SYK: variants seen among roughly 807,000 people sequenced by gnomAD.
SYK encodes the protein spleen associated tyrosine kinase, also known as tyrosine-protein kinase SYK.
SYK carries 16 observed loss-of-function variants against 77.8 expected under a neutral mutation model. The ratio of observed to expected loss-of-function variants is 0.21; its 90% confidence interval spans 0.14 to 0.31. The LOEUF (loss-of-function observed/expected upper bound fraction) is 0.31, where lower values mean the gene tolerates loss of function less well. Ranked by LOEUF, SYK falls within the 10% of genes least tolerant of loss-of-function variation. The pLI, the probability that SYK is intolerant of heterozygous loss-of-function variation, is 1.00. For missense variants in SYK, 529 were observed against 814.4 expected (o/e 0.65, Z 4.26); for synonymous variants, 312 against 308.7 (o/e 1.01, Z -0.11).
chr9:90,827,756 G>A (rs933612522), intron 1 of SYK, among the ~76,000 whole-genome samples: 3 of 152,168 alleles, frequency 2.0e-5, no homozygotes, highest in Non-Finnish European at 4.4e-5. Context: ...AAGGTTTAGC[G>A]GTTTGCCATC....
intron 13 of SYK, 131 bp downstream of exon 13, chr9:90,888,758 C>A: frequency 1.5e-6 from 1 of 687,912 alleles, no homozygotes. Flanking sequence ...AAACAAACAA[C>A]GGTGGGGGCT....
chr9:90,871,691 A>G (rs1325661763), intron 7 of SYK, among the ~76,000 whole-genome samples: 2 of 152,196 alleles, frequency 1.3e-5, no homozygotes, highest in African/African-American at 4.8e-5. Flanking sequence ...TTTCTTCCAC[A>G]TTCTTCCAGT....
At chr9:90,824,371 T>A (rs1281618536) in intron 1 of SYK, among the ~76,000 whole-genome samples, 1 of 152,182 alleles carries the variant, frequency 6.6e-6, no homozygotes, top group Non-Finnish European at 1.5e-5. Context: ...GGAAACAGTT[T>A]CTAATTCATT....
chr9:90,822,895 G>A (rs1163689967), intron 1 of SYK, among the ~76,000 whole-genome samples: 1 of 152,176 alleles, frequency 6.6e-6, no homozygotes. Context: ...GAAATAGAAA[G>A]GCATGATTAA....
At chr9:90,833,891 T>C (rs1410069996) in intron 1 of SYK, among the ~76,000 whole-genome samples, 1 of 152,182 alleles carries the variant, frequency 6.6e-6, no homozygotes, top group Non-Finnish European at 1.5e-5. Context: ...ATAAAACACA[T>C]GGAAGACATG....
At position 90,814,855 on chromosome 9, in the gene SYK, CACACACACACAA is replaced by C. The variant is rs1251303964; in HGVS notation, c.-42+12964_-42+12975del. Reference sequence around the variant, plus strand: ...ACGTGCACACACACACACACACACACACACACACACAAAATAATGTTACTTCTCAGTCACCCG... The same window carrying C: ...ACGTGCACACACACACACACACACACAATAATGTTACTTCTCAGTCACCCG... On this transcript the variant is annotated intron_variant, in intron 1 of 13. Coordinates refer to ENST00000375754, the MANE Select transcript of SYK (RefSeq NM_003177.7). Among the ~76,000 whole-genome samples the C allele has an allele frequency of 4.4e-4, 34 of 77,680 alleles. 1 individual carries two copies. Among genetic ancestry groups the C allele is most frequent in the Middle Eastern group, 0.011 (2 of 184 alleles). The allele number at this position is 77,680 out of a possible 152,430, so 51.0% of individuals were successfully genotyped here.
At chr9:90,847,106 C>T (rs1469293996) in intron 3 of SYK, among the ~76,000 whole-genome samples, 1 of 152,224 alleles carries the variant, frequency 6.6e-6, no homozygotes, top group Non-Finnish European at 1.5e-5. Context: ...TTTGCTCTCT[C>T]CTTCCTTTCT....
chr9:90,845,404 G>T (rs768618431), intron 2 of SYK, 30 bp from the exon 3 acceptor site: 3 of 1,603,694 alleles, frequency 1.9e-6, no homozygotes, highest in African/African-American at 1.3e-5. Context: ...CCTCGGTATG[G>T]TTTACTCTGC....
At position 90,874,247 on chromosome 9, in the gene SYK, T is replaced by C. The variant is rs1221954322; in HGVS notation, c.959T>C (p.Phe320Ser). The C allele has an allele frequency of 6.2e-7, 1 of 1,614,172 alleles. No individual in the cohort carries two copies. The highest frequency in any genetic ancestry group is 1.1e-5 in the South Asian group (1 of 91,084). ...QGNRQESTVS[F>S]NPYEPELAPW... The stretch of plus-strand genomic sequence containing the variant: ...AACCGGCAAGAGAGTACTGTGTCAT[T>C]CAATCCGTATGAGCCAGAACTTGCA... Residue 320 changes from phenylalanine to serine, a missense_variant, in exon 8 of 14, where the codon TTC becomes TCC. By Grantham distance (155) the Phe-to-Ser change is radical (BLOSUM62 -2). This residue lies in a region of SYK where 321 missense variants were observed against 433.1 expected (regional missense o/e 0.74). Transcript: ENST00000375754.
At chr9:90,874,385 C>T (rs1400491682) in intron 8 of SYK, 94 bp downstream of exon 8, 40 of 1,256,478 alleles carry the variant, frequency 3.2e-5, no homozygotes, top group Non-Finnish European at 3.9e-5. Context: ...ACACCACGTC[C>T]GTGATTGCAA....
chr9:90,837,973 C>T (rs977740900), intron 1 of SYK, among the ~76,000 whole-genome samples: 1 of 152,180 alleles, frequency 6.6e-6, no homozygotes, highest in Non-Finnish European at 1.5e-5. Flanking sequence ...AGAGGGAAGA[C>T]TCCTGAAAGC....
intron 3 of SYK, 121 bp from the exon 4 acceptor site, chr9:90,862,085 C>G: frequency 7.7e-7 from 1 of 1,298,762 alleles, no homozygotes; most frequent in Admixed American, 2.9e-5. Context: ...CTCCAGCTGC[C>G]TTGCCAGGTG....
intron 1 of SYK, among the ~76,000 whole-genome samples, chr9:90,812,473 A>G (rs1246222377): frequency 6.6e-6 from 1 of 152,140 alleles, no homozygotes; most frequent in Non-Finnish European, 1.5e-5. Flanking sequence ...GCCACCTCCA[A>G]GGACACTGGG....
chr9:90,864,762 A>G, intron 5 of SYK, 95 bp downstream of exon 5: 5 of 1,100,516 alleles, frequency 4.5e-6, no homozygotes, highest in Non-Finnish European at 2.7e-6. Flanking sequence ...GGGTTGGATG[A>G]GGACTTCTTT....
At chr9:90,879,268 T>A (rs900626760) in intron 11 of SYK, among the ~76,000 whole-genome samples, 3 of 152,378 alleles carry the variant, frequency 2.0e-5, no homozygotes, top group African/African-American at 7.2e-5. Flanking sequence ...TTGAAAAGTT[T>A]GCATTGGACA....
At position 90,897,013 on chromosome 9, in the gene SYK, C is replaced by T. The variant is rs142720783; in HGVS notation, c.*1413C>T. 6.3e-3 allele frequency: 1,306 copies of T among 207,084 alleles called. 2 individuals carry two copies. Among genetic ancestry groups the T allele is most frequent in the Non-Finnish European group, 8.1e-3 (822 of 101,438 alleles). The allele number at this position is 207,084 out of a possible 1,614,324, so 12.8% of individuals were successfully genotyped here. A position where few individuals can be genotyped will look rare whatever the true frequency, so the allele number is the denominator to read the frequency against. On this transcript the variant is annotated 3_prime_UTR_variant, in exon 14 of 14. Transcript: ENST00000375754. ...CTGCACTCCAGCTTGGGCATCACAG[C>T]GAGACTCTGTCAAAACAAACAAACA...
At chr9:90,832,605 GTCT>G (rs1825935339) in intron 1 of SYK, among the ~76,000 whole-genome samples, 1 of 152,216 alleles carries the variant, frequency 6.6e-6, no homozygotes, top group Non-Finnish European at 1.5e-5. Context: ...ATACCAGAAA[GTCT>G]TCTTCTGATT....
chr9:90,883,042 T>C (rs1473506205), intron 11 of SYK, among the ~76,000 whole-genome samples: 23 of 152,116 alleles, frequency 1.5e-4, no homozygotes, highest in Admixed American at 1.4e-3. Flanking sequence ...TCCCACAGGC[T>C]TCCAAGCTCT....
At chr9:90,844,354 C>T (rs1316603782) in intron 2 of SYK, 39 bp downstream of exon 2, 8 of 1,509,908 alleles carry the variant, frequency 5.3e-6, no homozygotes, top group Admixed American at 2.3e-5. Context: ...GCCCAGGGGG[C>T]CCTGTGACCC....
Sources: gnomAD v4.1 joint callset for allele counts (sites outside exome capture counted in the v4.1 genomes callset) on GRCh38, gnomAD v4.1.1 for gene constraint, gnomAD v4.1.1 regional missense constraint, MANE v1.5 for transcripts, NCBI Gene and HGNC (gene_info 2026-07-23, HGNC 2026-07-21) for gene names.